The following PCDH15 variants were observed in gnomAD, a reference collection of about 807,000 sequenced individuals.
PCDH15 encodes protocadherin-15.
Under a neutral mutation model 178.5 loss-of-function variants are expected in PCDH15, and 129 were observed. The observed-to-expected ratio is 0.72, with a 90% CI of 0.63 to 0.84. The LOEUF is 0.84. PCDH15 is among the 40% of genes least tolerant of loss of function. The pLI, the probability that PCDH15 is intolerant of heterozygous loss-of-function variation, is 0.00. For synonymous variants in PCDH15, 800 were observed against 732.0 expected (o/e 1.09, Z -1.50); for missense variants, 2,230 against 2,099.9 (o/e 1.06, Z -1.21).
intron 2 of PCDH15, among the ~76,000 whole-genome samples, chr10:54,567,805 T>C (rs550739146): frequency 2.0e-5 from 3 of 152,168 alleles, no homozygotes; most frequent in Non-Finnish European, 4.4e-5. Context: ...TTTATTGAGA[T>C]GTCAAGTGGC....
intron 7 of PCDH15, 107 bp from the exon 8 acceptor site, chr10:54,317,548 G>A: frequency 7.8e-7 from 1 of 1,285,886 alleles, no homozygotes; most frequent in Non-Finnish European, 1.1e-6. Flanking sequence ...GCCAAGGTGG[G>A]TGGATCACTT....
At chr10:55,596,284 T>C (rs1842933633) in intron 2 of PCDH15, among the ~76,000 whole-genome samples, 2 of 152,136 alleles carry the variant, frequency 1.3e-5, no homozygotes, top group African/African-American at 4.8e-5. Context: ...CTTTTCTTAA[T>C]TTGATCCTAC....
intron 1 of PCDH15, among the ~76,000 whole-genome samples, chr10:54,791,298 G>A (rs561512326): frequency 2.0e-5 from 3 of 151,960 alleles, no homozygotes; most frequent in South Asian, 4.1e-4. Flanking sequence ...CAGGTATGGG[G>A]CATCTCAGAA....
chr10:55,290,671 C>T (rs1261607656), intron 1 of PCDH15, among the ~76,000 whole-genome samples: 2 of 151,912 alleles, frequency 1.3e-5, no homozygotes, highest in African/African-American at 2.4e-5. Context: ...TCCAGAAGAA[C>T]CAAGTTGACA....
At chr10:54,576,573 A>T (rs2090498706) in intron 2 of PCDH15, among the ~76,000 whole-genome samples, 1 of 152,204 alleles carries the variant, frequency 6.6e-6, no homozygotes, top group South Asian at 2.1e-4. Context: ...TATCAAAGAA[A>T]AGAGTGATAA....
intron 2 of PCDH15, among the ~76,000 whole-genome samples, chr10:55,531,887 A>C (rs188322456): frequency 6.6e-6 from 1 of 152,170 alleles, no homozygotes; most frequent in Admixed American, 6.6e-5. Flanking sequence ...AGATCCCTTA[A>C]AACAATTAAC....
intron 3 of PCDH15, among the ~76,000 whole-genome samples, chr10:54,430,575 G>T (rs1956847433): frequency 6.6e-6 from 1 of 151,970 alleles, no homozygotes; most frequent in African/African-American, 2.4e-5. Flanking sequence ...AGTTAAGAAG[G>T]AAGTTCAAAA....
At chr10:55,207,216 T>G (rs1386781665) in intron 1 of PCDH15, among the ~76,000 whole-genome samples, 1 of 152,106 alleles carries the variant, frequency 6.6e-6, no homozygotes, top group Non-Finnish European at 1.5e-5. Flanking sequence ...TTTTTTGATA[T>G]AGCAGGAATA....
At chr10:54,044,085 C>T (rs1205486523) in intron 18 of PCDH15, among the ~76,000 whole-genome samples, 1 of 152,050 alleles carries the variant, frequency 6.6e-6, no homozygotes, top group South Asian at 2.1e-4. Context: ...GTATTGGCAG[C>T]ACCAGGAGGA....
chr10:54,732,239 C>G (rs556806966), intron 1 of PCDH15, among the ~76,000 whole-genome samples: 1 of 151,132 alleles, frequency 6.6e-6, no homozygotes, highest in Non-Finnish European at 1.5e-5. Flanking sequence ...GCTAAATGAT[C>G]GGGGGCATAT....
chr10:55,277,541 T>C (rs1842624355), intron 1 of PCDH15, among the ~76,000 whole-genome samples: 4 of 152,094 alleles, frequency 2.6e-5, no homozygotes, highest in Admixed American at 2.6e-4. Flanking sequence ...AAAAAGAACC[T>C]GTACACCACT....
At chr10:54,795,280 C>G (rs1951841588) in intron 1 of PCDH15, among the ~76,000 whole-genome samples, 2 of 151,796 alleles carry the variant, frequency 1.3e-5, no homozygotes, top group South Asian at 4.1e-4. Context: ...TCTTCCAAAA[C>G]CAGTCCTTAT....
At chr10:54,956,445 A>T (rs1191404954) in intron 2 of PCDH15, among the ~76,000 whole-genome samples, 1 of 151,526 alleles carries the variant, frequency 6.6e-6, no homozygotes, top group Non-Finnish European at 1.5e-5. Context: ...AAACTATGCA[A>T]ATTGAACTTA....
intron 2 of PCDH15, among the ~76,000 whole-genome samples, chr10:54,647,934 C>G (rs2094167488): frequency 6.6e-6 from 1 of 151,976 alleles, no homozygotes; most frequent in Non-Finnish European, 1.5e-5. Context: ...ACAAACAAAA[C>G]AAATAAAAAA....
chr10:55,003,483 G>A (rs10825426), intron 2 of PCDH15, among the ~76,000 whole-genome samples: 108,355 of 150,830 alleles, frequency 0.72, 39,028 homozygotes, highest in East Asian at 0.87. Context: ...TTTTTCTTTT[G>A]AAGTATTTAT....
At chr10:53,940,421 C>A (rs2085950390) in intron 24 of PCDH15, among the ~76,000 whole-genome samples, 1 of 152,012 alleles carries the variant, frequency 6.6e-6, no homozygotes, top group East Asian at 1.9e-4. Context: ...TTTTAAAATT[C>A]ACAACTTATT....
intron 2 of PCDH15, among the ~76,000 whole-genome samples, chr10:55,503,981 T>A (rs1438425461): frequency 6.6e-6 from 1 of 151,390 alleles, no homozygotes; most frequent in Non-Finnish European, 1.5e-5. Context: ...TAGACAAAAC[T>A]ATACAGAATG....
intron 6 of PCDH15, among the ~76,000 whole-genome samples, chr10:54,339,052 T>A (rs1941742455): frequency 6.7e-6 from 1 of 149,804 alleles, no homozygotes; most frequent in African/African-American, 2.4e-5. Flanking sequence ...GAGTTCTTCT[T>A]TTATTTTTTC....
rs568102200 is a variant in PCDH15 at position 54,520,083 on chromosome 10, T to C, written c.157+7729A>G. 3.9e-5 allele frequency among the ~76,000 whole-genome samples: 6 copies of C among 152,182 alleles called. No individual in the cohort carries two copies. In the South Asian group the frequency reaches 8.3e-4, roughly 21 times the overall value. The stretch of plus-strand genomic sequence containing the variant: ...TAATTCAAGATGGATTAAAGACTTA[T>C]ATGTTACACTTAAAGCCATAAAAAC... On this transcript the variant is annotated intron_variant, in intron 3 of 37. Transcript: ENST00000644397.
Sources: gnomAD v4.1 joint callset for allele counts (sites outside exome capture counted in the v4.1 genomes callset) on GRCh38, gnomAD v4.1.1 for gene constraint, MANE v1.5 for transcripts, NCBI Gene and HGNC (gene_info 2026-07-23, HGNC 2026-07-21) for gene names.